The following DAW1 variants were observed in gnomAD, a reference collection of about 807,000 sequenced individuals.
DAW1 encodes dynein assembly factor with WD repeat domains 1.
A neutral mutation model predicts 56.5 loss-of-function variants in DAW1; 47 were observed. The observed-to-expected ratio is 0.83, with a 90% CI of 0.66 to 1.06. The LOEUF is 1.06. Among genes scored for constraint, DAW1 ranks in the 50% least tolerant of loss-of-function variants. The pLI, the probability that DAW1 is intolerant of heterozygous loss-of-function variation, is 0.00. For synonymous variants in DAW1, 190 were observed against 179.0 expected (o/e 1.06, Z -0.49); for missense variants, 505 against 499.3 (o/e 1.01, Z -0.11).
intron 1 of DAW1, among the ~76,000 whole-genome samples, chr2:227,874,893 G>A (rs1365082413): frequency 6.6e-6 from 1 of 152,112 alleles, no homozygotes; most frequent in Non-Finnish European, 1.5e-5. Context: ...AATCTGGGAG[G>A]TGGAGGTTGC....
In DAW1 at chr2:227,882,652, C is replaced by T. The variant is rs1192515855; in HGVS notation, c.41-2699C>T. On this transcript the variant is annotated intron_variant, in intron 1 of 12. Coordinates refer to ENST00000309931, the MANE Select transcript of DAW1 (RefSeq NM_178821.3). ...TTAGGCTTTGTGTCCTCACCCAAAT[C>T]TCATGTTGAATTATAATTCCCATAA... is the stretch of plus-strand genomic sequence containing the variant. Among the ~76,000 whole-genome samples, 9 of 152,310 alleles carry T rather than the reference C, an allele frequency of 5.9e-5. 1 individual carries two copies. The East Asian group carries it at 1.7e-3, about 29-fold the overall frequency.
At chr2:227,902,878 T>A (rs1377397480) in intron 6 of DAW1, 124 bp from the exon 7 acceptor site, 4 of 955,750 alleles carry the variant, frequency 4.2e-6, no homozygotes, top group Middle Eastern at 2.2e-4. Context: ...CACACATACG[T>A]GGGGTTTTGT....
chr2:227,890,189 C>G (rs1452606657), intron 3 of DAW1, among the ~76,000 whole-genome samples, 189 bp downstream of exon 3: 1 of 152,166 alleles, frequency 6.6e-6, no homozygotes, highest in African/African-American at 2.4e-5. Context: ...ATCCAAAACA[C>G]TTATTCCTTG....
chr2:227,882,736 A>C (rs1340518367), intron 1 of DAW1, among the ~76,000 whole-genome samples: 1 of 152,136 alleles, frequency 6.6e-6, no homozygotes, highest in East Asian at 1.9e-4. Context: ...GATCAGGGGG[A>C]GGTTCCCCCA....
At chr2:227,876,479 T>C in intron 1 of DAW1, 1 of 1,302,556 alleles carries the variant, frequency 7.7e-7, no homozygotes, top group Non-Finnish European at 1.0e-6. Flanking sequence ...GTTTCCAAGA[T>C]ACTACTGAAT....
chr2:227,890,803 C>T (rs191751366), intron 3 of DAW1, among the ~76,000 whole-genome samples: 2 of 152,330 alleles, frequency 1.3e-5, no homozygotes, highest in African/African-American at 4.8e-5. Flanking sequence ...ATTTTGGTAA[C>T]AGACATAACT....
In DAW1 at chr2:227,907,061, A is replaced by C. The variant is rs956967672; in HGVS notation, c.859-77A>C. 4 of 959,014 alleles carry C rather than the reference A, an allele frequency of 4.2e-6. No individual in the cohort carries two copies. In the African/African-American group the frequency reaches 6.7e-5, roughly 16 times the overall value. 59.4% of individuals were successfully genotyped at this position (959,014 alleles called of 1,614,324 possible). On this transcript the variant is annotated intron_variant, in intron 9 of 12. Coordinates refer to ENST00000309931, the MANE Select transcript of DAW1 (RefSeq NM_178821.3). ...TTAACCAGCCATAAGCATGTCATGAAGACCACTGGCCATCTTCACACTTCA... is the reference window on the plus strand; with the variant it reads ...TTAACCAGCCATAAGCATGTCATGACGACCACTGGCCATCTTCACACTTCA...
chr2:227,916,597 G>C (rs1487298240), intron 10 of DAW1, among the ~76,000 whole-genome samples: 1 of 152,040 alleles, frequency 6.6e-6, no homozygotes, highest in East Asian at 1.9e-4. Flanking sequence ...TCATCTTCTA[G>C]AAAATTACAT....
At chr2:227,911,258 GTGTATATACACATATACACGTGTATA>G (rs1691811302) in intron 10 of DAW1, among the ~76,000 whole-genome samples, 1 of 139,910 alleles carries the variant, frequency 7.1e-6, no homozygotes, top group South Asian at 2.2e-4. Flanking sequence ...ATATATACAC[GTGTATATACACATATACACGTGTATA>G]TATACATATA....
intron 11 of DAW1, among the ~76,000 whole-genome samples, chr2:227,920,670 A>G (rs920879457): frequency 1.2e-4 from 18 of 151,802 alleles, no homozygotes; most frequent in African/African-American, 4.4e-4. Context: ...TTATTTATTT[A>G]TTTTTATTTT....
intron 6 of DAW1, 112 bp from the exon 7 acceptor site, chr2:227,902,890 C>T: frequency 8.9e-7 from 1 of 1,126,102 alleles, no homozygotes; most frequent in South Asian, 1.5e-5. Context: ...GGGTTTTGTA[C>T]AAAGAATTAG....
intron 5 of DAW1, among the ~76,000 whole-genome samples, chr2:227,894,121 G>C (rs1003305193): frequency 6.6e-6 from 1 of 152,090 alleles, no homozygotes; most frequent in Non-Finnish European, 1.5e-5. Flanking sequence ...AAGGTTTAAG[G>C]CTGGGCGTGG....
At chr2:227,923,793 C>T (rs1181862618) in intron 12 of DAW1, 141 bp from the exon 13 acceptor site, 1 of 911,894 alleles carries the variant, frequency 1.1e-6, no homozygotes. Flanking sequence ...TGCTCAGAGA[C>T]TCTGCAGCTA....
intron 1 of DAW1, among the ~76,000 whole-genome samples, chr2:227,872,871 A>T (rs959050649): frequency 2.0e-5 from 3 of 152,124 alleles, no homozygotes; most frequent in Non-Finnish European, 4.4e-5. Flanking sequence ...GAGCCACTCC[A>T]GTGGCTTTTC....
At chr2:227,887,762 A>G (rs1415342994) in intron 2 of DAW1, 1 of 152,240 alleles carries the variant, frequency 6.6e-6, no homozygotes, top group African/African-American at 2.4e-5. Flanking sequence ...ACTCATAAAC[A>G]TGACCTTTTG....
intron 1 of DAW1, among the ~76,000 whole-genome samples, chr2:227,884,865 C>A (rs1201750335): frequency 6.6e-6 from 1 of 152,148 alleles, no homozygotes; most frequent in African/African-American, 2.4e-5. Context: ...GTTGATGGGG[C>A]TGCAGCCAGA....
At chr2:227,885,176 C>G (rs1691095009) in intron 1 of DAW1, among the ~76,000 whole-genome samples, 175 bp from the exon 2 acceptor site, 1 of 151,920 alleles carries the variant, frequency 6.6e-6, no homozygotes, top group Non-Finnish European at 1.5e-5. Context: ...AGGGAAGGAC[C>G]AGGGAAAAGT....
chr2:227,908,723 T>C (rs1379214931), intron 10 of DAW1, among the ~76,000 whole-genome samples: 1 of 152,244 alleles, frequency 6.6e-6, no homozygotes, highest in Non-Finnish European at 1.5e-5. Flanking sequence ...ACCATATCCT[T>C]GATAACCACA....
chr2:227,916,032 A>G (rs563754444), intron 10 of DAW1, among the ~76,000 whole-genome samples: 13 of 152,266 alleles, frequency 8.5e-5, no homozygotes, highest in African/African-American at 3.1e-4. Flanking sequence ...CATATTTCTA[A>G]TAAACATCTG....
Sources: gnomAD v4.1 joint callset for allele counts (sites outside exome capture counted in the v4.1 genomes callset) on GRCh38, gnomAD v4.1.1 for gene constraint, MANE v1.5 for transcripts, NCBI Gene and HGNC (gene_info 2026-07-23, HGNC 2026-07-21) for gene names.